The following MALRD1 variants were observed in gnomAD, a reference collection of about 807,000 sequenced individuals.
The protein encoded by MALRD1 is MAM and LDL-receptor class A domain-containing protein 1.
A neutral mutation model predicts 242.1 loss-of-function variants in MALRD1; 247 were observed. That is an observed-to-expected ratio of 1.02 (90% confidence interval 0.92 to 1.13). The LOEUF (loss-of-function observed/expected upper bound fraction) is 1.13. Among genes scored for constraint, MALRD1 ranks in the 50% most tolerant of loss-of-function variants. MALRD1 has a pLI of 0.00. For missense variants in MALRD1, 2,989 were observed against 2,533.1 expected, an observed-to-expected ratio of 1.18 and a Z score of -3.86; for synonymous variants, 995 against 866.6, an observed-to-expected ratio of 1.15 and a Z score of -2.60.
At chr10:19,239,292 T>G (rs1838652069) in intron 18 of MALRD1, among the ~76,000 whole-genome samples, 1 of 152,112 alleles carries the variant, frequency 6.6e-6, no homozygotes, top group Non-Finnish European at 1.5e-5. Context: ...ACTCCTGACC[T>G]CAGGCAATCC....
At chr10:19,683,623 G>A (rs1842462123) in intron 36 of MALRD1, among the ~76,000 whole-genome samples, 1 of 152,122 alleles carries the variant, frequency 6.6e-6, no homozygotes, top group Admixed American at 6.5e-5. Flanking sequence ...ATGTTTGCAG[G>A]ATGAGGCTTA....
chr10:19,733,105 A>G (rs561834056), intron 39 of MALRD1, among the ~76,000 whole-genome samples: 7 of 152,326 alleles, frequency 4.6e-5, no homozygotes, highest in South Asian at 4.1e-4. Context: ...CTCTAAGTCT[A>G]TCTTTCAAAC....
chr10:19,700,135 C>T (rs1300759813), intron 38 of MALRD1, among the ~76,000 whole-genome samples: 1 of 151,248 alleles, frequency 6.6e-6, no homozygotes, highest in Non-Finnish European at 1.5e-5. Flanking sequence ...CTACATTAAC[C>T]CACTGCAATA....
chr10:19,290,120 A>AT (rs1170709267), intron 21 of MALRD1: 9 of 152,094 alleles, frequency 5.9e-5, no homozygotes, highest in East Asian at 1.9e-4. Flanking sequence ...TAAAATGCAT[A>AT]TTTTTTACCA....
intron 36 of MALRD1, among the ~76,000 whole-genome samples, chr10:19,622,753 A>G (rs1042981418): frequency 6.6e-6 from 1 of 151,794 alleles, no homozygotes; most frequent in Admixed American, 6.6e-5. Context: ...TACCAATATC[A>G]ATAGAATAAA....
intron 36 of MALRD1, among the ~76,000 whole-genome samples, chr10:19,621,965 T>G (rs974584695): frequency 6.6e-6 from 1 of 151,878 alleles, no homozygotes; most frequent in African/African-American, 2.4e-5. Context: ...ACATCTATTC[T>G]TTATATTTTA....
intron 32 of MALRD1, among the ~76,000 whole-genome samples, chr10:19,543,114 C>G (rs1025972583): frequency 6.6e-6 from 1 of 152,148 alleles, no homozygotes; most frequent in African/African-American, 2.4e-5. Flanking sequence ...AGACATTAAA[C>G]TGAGACAGCA....
intron 26 of MALRD1, among the ~76,000 whole-genome samples, chr10:19,359,092 A>T (rs921293094): frequency 1.3e-5 from 2 of 152,198 alleles, no homozygotes; most frequent in Non-Finnish European, 2.9e-5. Context: ...TATAGTTTTG[A>T]ACGTAGAAAA....
intron 28 of MALRD1, among the ~76,000 whole-genome samples, chr10:19,395,914 GAAGAA>G (rs1846556587): frequency 6.6e-6 from 1 of 152,056 alleles, no homozygotes. Flanking sequence ...CTTCTGTCTT[GAAGAA>G]AAGATTTCCG....
At chr10:19,282,579 T>G (rs921998603) in intron 20 of MALRD1, among the ~76,000 whole-genome samples, 1 of 152,184 alleles carries the variant, frequency 6.6e-6, no homozygotes, top group Non-Finnish European at 1.5e-5. Context: ...TGTAAAACTT[T>G]ATAGGAAACA....
At chr10:19,498,408 A>T in intron 30 of MALRD1, 77 bp from the exon 31 acceptor site, 1 of 1,293,916 alleles carries the variant, frequency 7.7e-7, no homozygotes, top group South Asian at 1.5e-5. Flanking sequence ...TACTAATTTT[A>T]AATGATCCCA....
At chr10:19,635,516 A>G (rs1406880868) in intron 36 of MALRD1, among the ~76,000 whole-genome samples, 2 of 152,178 alleles carry the variant, frequency 1.3e-5, no homozygotes, top group Non-Finnish European at 1.5e-5. Flanking sequence ...GACAGAAGTA[A>G]TAAAGTGAAG....
At chr10:19,332,173 T>TG (rs1310569927) in intron 24 of MALRD1, among the ~76,000 whole-genome samples, 3 of 50,128 alleles carry the variant, frequency 6.0e-5, no homozygotes, top group Non-Finnish European at 8.6e-5. Flanking sequence ...CTGAAATAAA[T>TG]GTTGTTTTTT....
chr10:19,550,524 G>T (rs1432782704), intron 32 of MALRD1, among the ~76,000 whole-genome samples: 1 of 152,008 alleles, frequency 6.6e-6, no homozygotes, highest in East Asian at 1.9e-4. Context: ...GCCCCAGTGT[G>T]TGTGGGTTCC....
At chr10:19,314,830 C>T (rs1402645154) in intron 21 of MALRD1, among the ~76,000 whole-genome samples, 1 of 150,856 alleles carries the variant, frequency 6.6e-6, no homozygotes, top group Non-Finnish European at 1.5e-5. Flanking sequence ...AATTTCTGAC[C>T]CCAGTTGTAG....
At chr10:19,117,925 A>G (rs1003595736) in intron 5 of MALRD1, among the ~76,000 whole-genome samples, 5 of 151,802 alleles carry the variant, frequency 3.3e-5, no homozygotes, top group Middle Eastern at 3.2e-3. Context: ...AGTTTTTTAG[A>G]TAGTCGTGTG....
chr10:19,123,489 C>T lies in MALRD1; in HGVS notation c.695-3C>T. 1 of 1,231,106 alleles carries T rather than the reference C, an allele frequency of 8.1e-7. No homozygotes were observed. The highest frequency in any genetic ancestry group is 1.0e-6 in the Non-Finnish European group (1 of 985,576). The allele number at this position is 1,231,106 out of a possible 1,614,324, so 76.3% of individuals were successfully genotyped here. ...ACTTCTTGCCAATCTTTAAATTTAA[C>T]AGATGGAATTTTACTGTGTCAAGAA... On this transcript the variant is annotated splice_polypyrimidine_tract_variant and splice_region_variant and intron_variant, in intron 5 of 39. Transcript: ENST00000454679.
chr10:19,384,357 A>G (rs1246630082), intron 26 of MALRD1, among the ~76,000 whole-genome samples: 3 of 124,504 alleles, frequency 2.4e-5, no homozygotes, highest in South Asian at 2.2e-4. Flanking sequence ...TATAATATAT[A>G]TTATATAGTA....
intron 13 of MALRD1, among the ~76,000 whole-genome samples, chr10:19,167,216 G>A (rs779125304): frequency 2.0e-4 from 31 of 152,064 alleles, no homozygotes; most frequent in Non-Finnish European, 3.2e-4. Flanking sequence ...AAAATTAGCC[G>A]GGCATGGTGG....
Sources: gnomAD v4.1 joint callset for allele counts (sites outside exome capture counted in the v4.1 genomes callset) on GRCh38, gnomAD v4.1.1 for gene constraint, MANE v1.5 for transcripts, NCBI Gene and HGNC (gene_info 2026-07-23, HGNC 2026-07-21) for gene names.